The following CHMP7 variants were observed in gnomAD, a reference collection of about 807,000 sequenced individuals.
CHMP7 encodes charged multivesicular body protein 7.
In CHMP7, 15 loss-of-function variants were observed where a neutral mutation model predicts 53.7. The observed-to-expected ratio is 0.28, with a 90% CI of 0.19 to 0.43. CHMP7 has a LOEUF of 0.43. Among genes scored for constraint, CHMP7 ranks in the 20% least tolerant of loss-of-function variants. CHMP7 has a pLI of 1.00. For missense variants in CHMP7, 527 were observed against 569.4 expected, an observed-to-expected ratio of 0.93 and a Z score of 0.76; for synonymous variants, 261 against 228.0, an observed-to-expected ratio of 1.14 and a Z score of -1.30.
chr8:23,254,779 A>G, intron 3 of CHMP7: 1 of 210,530 alleles, frequency 4.7e-6, no homozygotes, highest in Non-Finnish European at 9.8e-6. Flanking sequence ...AGGAAAATGG[A>G]GAGACTACAA....
At chr8:23,259,898 G>C (rs779018010) in intron 9 of CHMP7, 10 of 456,486 alleles carry the variant, frequency 2.2e-5, no homozygotes, top group Admixed American at 3.8e-5. Context: ...CTCCTTCAAG[G>C]GCAGTGGGAA....
chr8:23,248,522 C>T (rs1260349605), intron 2 of CHMP7, among the ~76,000 whole-genome samples: 1 of 152,220 alleles, frequency 6.6e-6, no homozygotes, highest in Non-Finnish European at 1.5e-5. Context: ...CTGCCATTTG[C>T]TAAATTATGT....
At chr8:23,259,604 G>C (rs10092938) in intron 9 of CHMP7, among the ~76,000 whole-genome samples, 141,416 of 152,190 alleles carry the variant, frequency 0.93, 65,961 homozygotes, top group Non-Finnish European at 0.98. Flanking sequence ...GTGATCCGCC[G>C]GCCTCGGCCT....
At chr8:23,249,646 A>G (rs1267466161) in intron 3 of CHMP7, among the ~76,000 whole-genome samples, 3 of 152,210 alleles carry the variant, frequency 2.0e-5, no homozygotes, top group Admixed American at 6.5e-5. Context: ...AATGTTAAGC[A>G]GCAGTTTAGG....
chr8:23,258,242 G>A (rs1802216388), intron 6 of CHMP7, 88 bp from the exon 7 acceptor site: 1 of 1,566,690 alleles, frequency 6.4e-7, no homozygotes, highest in Admixed American at 1.7e-5. Context: ...AAGAAAGCTG[G>A]GACATCCTTA....
At chr8:23,249,821 G>A (rs1215481777) in intron 3 of CHMP7, among the ~76,000 whole-genome samples, 1 of 152,080 alleles carries the variant, frequency 6.6e-6, no homozygotes, top group East Asian at 1.9e-4. Context: ...GCCTTCTGCT[G>A]CACATGCTCT....
Position 23,258,806 on chromosome 8 carries a change from G to C in CHMP7, c.1035G>C (p.Glu345Asp), listed in dbSNP as rs1292807034. Residue 345 changes from glutamate to aspartate, a missense_variant, in exon 8 of 11, where the codon GAG (glutamate) becomes GAC (aspartate). Transcript: ENST00000397677. The stretch of plus-strand genomic sequence containing the variant: ...AGGATGTCACAGTGGAGAAGGCAGA[G>C]AGCCTCGTGGATCAGATCCAAGAGG... ...SMKDVTVEKA[E>D]SLVDQIQELC... 1 of 1,612,800 alleles carries C rather than the reference G, an allele frequency of 6.2e-7. No individual in the cohort carries two copies.
chr8:23,256,604 AC>A lies in CHMP7; in HGVS notation c.791+14del. The A allele has an allele frequency of 6.2e-7, 1 of 1,612,226 alleles. No individual in the cohort carries two copies. The highest frequency in any genetic ancestry group is 8.5e-7 in the Non-Finnish European group (1 of 1,178,954). ...CCAGGAAGCAGAGAGGTAACTTTTA[AC>A]CCTGAACTGAGCCTCCTCCCCACTG... On this transcript the variant is annotated intron_variant, in intron 5 of 10. Transcript: ENST00000397677.
At chr8:23,257,790 G>T (rs369446469) in intron 5 of CHMP7, among the ~76,000 whole-genome samples, 1 of 152,224 alleles carries the variant, frequency 6.6e-6, no homozygotes, top group Non-Finnish European at 1.5e-5. Context: ...CTGTTTGCAT[G>T]TTCTGTCCCT....
chr8:23,256,644 G>C (rs1336696320), intron 5 of CHMP7, 51 bp downstream of exon 5: 24 of 1,551,432 alleles, frequency 1.5e-5, no homozygotes, highest in Non-Finnish European at 2.0e-5. Context: ...CTGGCCCCCA[G>C]AGCCAGCAAA....
Position 23,258,024 on chromosome 8 carries a change from T to C in CHMP7, c.792-9T>C, listed in dbSNP as rs1223442132. ...GGCACAGTAATCTTATCTGTCCCTT[T>C]GTTTCCAGGTGTAAAGAAGAAGCCC... On this transcript the variant is annotated splice_polypyrimidine_tract_variant and intron_variant, in intron 5 of 10. Transcript: ENST00000397677. 1.9e-6 allele frequency: 3 copies of C among 1,608,122 alleles called. No individual in the cohort carries two copies. In the Admixed American group the frequency reaches 5.0e-5, roughly 27 times the overall value.
At chr8:23,258,868 A>C in intron 8 of CHMP7, 38 bp downstream of exon 8, 1 of 1,396,212 alleles carries the variant, frequency 7.2e-7, no homozygotes. Flanking sequence ...ACAGAGAAGG[A>C]GGTGACAGAG....
rs1802250642 is a variant in CHMP7 at position 23,258,889 on chromosome 8, A to G, written c.1059+59A>G. Reference sequence around the variant, plus strand: ...AAGGAGGTGACAGAGGACAGATTTGACTTCATTGCACATCCTCTTTAACGA... The same window carrying G: ...AAGGAGGTGACAGAGGACAGATTTGGCTTCATTGCACATCCTCTTTAACGA... On this transcript the variant is annotated intron_variant, in intron 8 of 10. Coordinates refer to ENST00000397677, the MANE Select transcript of CHMP7 (RefSeq NM_152272.5). 2.5e-6 allele frequency: 3 copies of G among 1,222,998 alleles called. No individual in the cohort carries two copies. In the East Asian group the frequency reaches 7.0e-5, roughly 29 times the overall value. 75.8% of individuals were successfully genotyped at this position (1,222,998 alleles called of 1,614,324 possible).
chr8:23,255,814 A>G (rs917626076), intron 4 of CHMP7, among the ~76,000 whole-genome samples: 3 of 136,868 alleles, frequency 2.2e-5, no homozygotes, highest in Non-Finnish European at 4.6e-5. Flanking sequence ...TCTGTCGCCC[A>G]GCAATGGCGC....
intron 2 of CHMP7, 62 bp downstream of exon 2, chr8:23,247,056 G>A: frequency 7.0e-7 from 1 of 1,430,076 alleles, no homozygotes; most frequent in Non-Finnish European, 9.2e-7. Context: ...GGAGGGCCGG[G>A]CCCTGGTCCT....
In CHMP7 at chr8:23,260,564, A is replaced by G; in HGVS notation, c.1327A>G (p.Lys443Glu). ...TTTGGTCCCAAGCAGTAAATCTCCA[A>G]AAAGGCAATTGGAACCGACTCTAAA... Reference protein sequence around the residue: ...GGLVPSSKSPKRQLEPTLKPL With the variant: ...GGLVPSSKSPERQLEPTLKPL The change falls in exon 11 of 11, where the codon AAA (lysine) becomes GAA (glutamate). Residue 443 changes from lysine (K) to glutamate (E), a missense_variant. Lys to Glu is a moderately conservative substitution (Grantham distance 56). Coordinates refer to ENST00000397677, the MANE Select transcript of CHMP7 (RefSeq NM_152272.5). 2 of 1,614,218 alleles carry G rather than the reference A, an allele frequency of 1.2e-6. No individual in the cohort carries two copies. The highest frequency in any genetic ancestry group is 1.7e-6 in the Non-Finnish European group (2 of 1,180,024).
At position 23,260,732 on chromosome 8, in the gene CHMP7, C is replaced by T; in HGVS notation, c.*133C>T. 1.4e-6 allele frequency: 1 copy of T among 720,138 alleles called. No homozygotes were observed. Among genetic ancestry groups the T allele is most frequent in the Non-Finnish European group, 2.5e-6 (1 of 407,880 alleles). 44.6% of individuals were successfully genotyped at this position (720,138 alleles called of 1,614,324 possible). A position where few individuals can be genotyped will look rare whatever the true frequency, so the allele number is the denominator to read the frequency against. On this transcript the variant is annotated 3_prime_UTR_variant, in exon 11 of 11. Coordinates refer to ENST00000397677, the MANE Select transcript of CHMP7 (RefSeq NM_152272.5). ...GAGAACCACTGATTTTATCTGGATG[C>T]TACTACTTACTACAGGACAGATAGA...
chr8:23,259,204 T>C (rs1225390929), intron 9 of CHMP7, 78 bp downstream of exon 9: 2 of 742,964 alleles, frequency 2.7e-6, no homozygotes, highest in African/African-American at 1.9e-5. Flanking sequence ...AGTCTCGCTC[T>C]GTCGCCCAGG....
chr8:23,249,142 G>A, intron 2 of CHMP7, 68 bp from the exon 3 acceptor site: 2 of 1,332,436 alleles, frequency 1.5e-6, no homozygotes, highest in Non-Finnish European at 2.0e-6. Context: ...GGGTAAAGGG[G>A]GAGCTAGAGA....
Sources: allele counts gnomAD v4.1 joint callset (sites outside exome capture counted in the v4.1 genomes callset), GRCh38; gene constraint gnomAD v4.1.1; transcripts MANE v1.5; gene names NCBI Gene and HGNC (gene_info 2026-07-23, HGNC 2026-07-21).